Variants in EGFLAM observed in about 807,000 individuals in gnomAD.
The protein encoded by EGFLAM is pikachurin.
Under a neutral mutation model 113.1 loss-of-function variants are expected in EGFLAM, and 79 were observed. The observed-to-expected ratio is 0.70, with a 90% CI of 0.58 to 0.84. EGFLAM has a LOEUF of 0.84. EGFLAM is among the 40% of genes least tolerant of loss of function. EGFLAM has a pLI of 0.00. For synonymous variants in EGFLAM, 504 were observed against 487.6 expected (o/e 1.03, Z -0.44); for missense variants, 1,265 against 1,291.6 (o/e 0.98, Z 0.32).
intron 6 of EGFLAM, among the ~76,000 whole-genome samples, chr5:38,389,257 C>T (rs184919245): frequency 9.4e-4 from 143 of 152,262 alleles, no homozygotes; most frequent in African/African-American, 3.3e-3. Flanking sequence ...TCAGCAACTT[C>T]TCATGTATAG....
chr5:38,281,581 C>T (rs1758022523), intron 1 of EGFLAM, among the ~76,000 whole-genome samples: 1 of 152,138 alleles, frequency 6.6e-6, no homozygotes, highest in African/African-American at 2.4e-5. Context: ...AGTCTCAATG[C>T]CTCTTGTACC....
chr5:38,258,982 G>T (rs886688750), intron 1 of EGFLAM, 131 bp downstream of exon 1: 5 of 1,008,486 alleles, frequency 5.0e-6, no homozygotes, highest in Non-Finnish European at 2.8e-6. Context: ...CTTCAGCTCT[G>T]CCAGGAGCTG....
intron 6 of EGFLAM, among the ~76,000 whole-genome samples, chr5:38,394,257 A>G (rs1740892282): frequency 6.6e-6 from 1 of 151,896 alleles, no homozygotes; most frequent in Non-Finnish European, 1.5e-5. Flanking sequence ...AGCTGTTTTC[A>G]CTTAGGGCTG....
chr5:38,357,385 T>C (rs986378940), intron 5 of EGFLAM, among the ~76,000 whole-genome samples: 1 of 152,184 alleles, frequency 6.6e-6, no homozygotes, highest in African/African-American at 2.4e-5. Context: ...GCAATCAATT[T>C]TTGTTGTTTA....
chr5:38,429,903 G>C (rs750836639), intron 14 of EGFLAM: 5 of 169,538 alleles, frequency 2.9e-5, no homozygotes, highest in African/African-American at 4.8e-5. Context: ...TAAAACTGCA[G>C]CTTCTCAAAG....
At chr5:38,454,863 G>A (rs902593083) in intron 19 of EGFLAM, among the ~76,000 whole-genome samples, 2 of 152,142 alleles carry the variant, frequency 1.3e-5, no homozygotes, top group African/African-American at 4.8e-5. Flanking sequence ...GAAAAACAAT[G>A]GGATTCTAAA....
At chr5:38,336,871 C>T (rs1238880144) in intron 1 of EGFLAM, among the ~76,000 whole-genome samples, 1 of 152,024 alleles carries the variant, frequency 6.6e-6, no homozygotes, top group African/African-American at 2.4e-5. Flanking sequence ...ATGTGACCAA[C>T]AAGAGATATA....
chr5:38,329,401 A>C (rs1039648019), intron 1 of EGFLAM, among the ~76,000 whole-genome samples: 7 of 152,188 alleles, frequency 4.6e-5, no homozygotes, highest in Non-Finnish European at 8.8e-5. Context: ...TATTTAACTG[A>C]TGCATCTGGA....
chr5:38,424,861 C>A, intron 12 of EGFLAM, 106 bp from the exon 13 acceptor site: 1 of 1,452,336 alleles, frequency 6.9e-7, no homozygotes, highest in Admixed American at 2.1e-5. Context: ...GGAGTAAGAA[C>A]TGAAATGTAT....
chr5:38,347,143 G>T (rs1170996131), intron 3 of EGFLAM, among the ~76,000 whole-genome samples: 2 of 152,176 alleles, frequency 1.3e-5, no homozygotes, highest in Non-Finnish European at 2.9e-5. Context: ...AAGGCCTGGG[G>T]CAGGAGTACT....
At chr5:38,303,291 G>T (rs1298064621) in intron 1 of EGFLAM, among the ~76,000 whole-genome samples, 2 of 152,158 alleles carry the variant, frequency 1.3e-5, no homozygotes, top group Non-Finnish European at 2.9e-5. Context: ...TCACAAGGAA[G>T]TAAAAATTTC....
intron 19 of EGFLAM, among the ~76,000 whole-genome samples, chr5:38,451,849 G>A (rs1033507563): frequency 7.9e-5 from 12 of 151,868 alleles, no homozygotes; most frequent in East Asian, 4.0e-4. Flanking sequence ...AAAATTAGCC[G>A]GGTGTGGTGG....
intron 11 of EGFLAM, among the ~76,000 whole-genome samples, chr5:38,417,397 AT>A (rs1334813326): frequency 6.6e-6 from 1 of 151,044 alleles, no homozygotes; most frequent in Non-Finnish European, 1.5e-5. Flanking sequence ...GGGTGACTTA[AT>A]TTTGTCCCAT....
At chr5:38,410,323 A>G (rs1741437343) in intron 10 of EGFLAM, among the ~76,000 whole-genome samples, 1 of 152,142 alleles carries the variant, frequency 6.6e-6, no homozygotes, top group African/African-American at 2.4e-5. Context: ...TTCACCTTGT[A>G]GGGTCCTAGC....
chr5:38,348,915 T>G (rs1001345407), intron 3 of EGFLAM, among the ~76,000 whole-genome samples: 2 of 152,144 alleles, frequency 1.3e-5, no homozygotes, highest in Non-Finnish European at 2.9e-5. Context: ...CCTGGAGGGC[T>G]TTAAACAAAT....
chr5:38,304,515 G>A, intron 1 of EGFLAM, among the ~76,000 whole-genome samples: 1 of 152,190 alleles, frequency 6.6e-6, no homozygotes, highest in Admixed American at 6.5e-5. Context: ...GGTCAGACTT[G>A]TTCCTTTAGG....
chr5:38,276,653 G>T (rs968348481), intron 1 of EGFLAM, among the ~76,000 whole-genome samples: 3 of 150,156 alleles, frequency 2.0e-5, no homozygotes, highest in Non-Finnish European at 4.4e-5. Context: ...TTTTAAAAAA[G>T]ATAAATAGAA....
intron 1 of EGFLAM, among the ~76,000 whole-genome samples, chr5:38,263,480 A>G (rs1023257540): frequency 6.6e-6 from 1 of 152,072 alleles, no homozygotes; most frequent in Admixed American, 6.5e-5. Context: ...GAAACAAAAA[A>G]CATTGGGATG....
chr5:38,365,817 G>A (rs1181118248), intron 5 of EGFLAM, among the ~76,000 whole-genome samples: 1 of 152,078 alleles, frequency 6.6e-6, no homozygotes, highest in East Asian at 1.9e-4. Context: ...CTTACTGTGA[G>A]TCAAGGTCAG....
Sources: allele counts gnomAD v4.1 joint callset (sites outside exome capture counted in the v4.1 genomes callset), GRCh38; gene constraint gnomAD v4.1.1; transcripts MANE v1.5; gene names NCBI Gene and HGNC (gene_info 2026-07-23, HGNC 2026-07-21).